The following TUSC3 variants were observed in gnomAD, a reference collection of about 807,000 sequenced individuals.
TUSC3 encodes the protein tumor suppressor candidate 3.
A neutral mutation model predicts 44.8 loss-of-function variants in TUSC3; 45 were observed. That is an observed-to-expected ratio of 1.00 (90% CI 0.79 to 1.29). The LOEUF (loss-of-function observed/expected upper bound fraction) is 1.29, where lower values mean the gene tolerates loss of function less well. Among genes scored for constraint, TUSC3 ranks in the 50% most tolerant of loss-of-function variants. The pLI is 0.00. For missense variants in TUSC3, 519 were observed against 437.9 expected (o/e 1.19, Z -1.65); for synonymous variants, 212 against 152.9 (o/e 1.39, Z -2.85).
intron 1 of TUSC3, among the ~76,000 whole-genome samples, chr8:15,451,118 AAGC>A (rs1800192928): frequency 6.6e-6 from 1 of 152,152 alleles, no homozygotes; most frequent in Admixed American, 6.5e-5. Context: ...CTACAGAGGG[AAGC>A]TAGAGGATCA....
intron 2 of TUSC3, among the ~76,000 whole-genome samples, chr8:15,510,981 A>T (rs951362349): frequency 1.3e-5 from 2 of 152,166 alleles, no homozygotes; most frequent in Admixed American, 1.3e-4. Context: ...CCATTTATTG[A>T]TTTCCATACA....
chr8:15,555,646 G>A (rs962321776), intron 1 of TUSC3, among the ~76,000 whole-genome samples: 3 of 151,482 alleles, frequency 2.0e-5, no homozygotes, highest in African/African-American at 7.3e-5. Context: ...TTACTTCGAA[G>A]GTCTCAAACC....
At chr8:15,628,268 C>G (rs1805602808) in intron 2 of TUSC3, among the ~76,000 whole-genome samples, 1 of 152,008 alleles carries the variant, frequency 6.6e-6, no homozygotes, top group African/African-American at 2.4e-5. Flanking sequence ...TTCACTGTTA[C>G]ATATAATTAT....
intron 1 of TUSC3, among the ~76,000 whole-genome samples, chr8:15,447,029 C>T (rs1203950017): frequency 6.6e-6 from 1 of 150,654 alleles, no homozygotes. Flanking sequence ...AGAGTAACTT[C>T]AATACTGTTT....
At chr8:15,584,600 G>T (rs1196927845) in intron 1 of TUSC3, among the ~76,000 whole-genome samples, 1 of 152,086 alleles carries the variant, frequency 6.6e-6, no homozygotes, top group Non-Finnish European at 1.5e-5. Flanking sequence ...GTAAGAAATG[G>T]TAAAGGCTTC....
the TUSC3 span, among the ~76,000 whole-genome samples, chr8:15,846,044 G>C: frequency 6.6e-6 from 1 of 152,084 alleles, no homozygotes; most frequent in Non-Finnish European, 1.5e-5. Context: ...ATGAGATCTC[G>C]TGAGACTTAT....
At chr8:15,562,079 A>G (rs542610435) in intron 1 of TUSC3, among the ~76,000 whole-genome samples, 1 of 152,286 alleles carries the variant, frequency 6.6e-6, no homozygotes, top group Non-Finnish European at 1.5e-5. Context: ...GGAAATGGAA[A>G]AACAGCAGCA....
At chr8:15,450,795 TTA>T (rs1800188093) in intron 1 of TUSC3, among the ~76,000 whole-genome samples, 1 of 152,116 alleles carries the variant, frequency 6.6e-6, no homozygotes, top group African/African-American at 2.4e-5. Flanking sequence ...AGATGTTGGC[TTA>T]CTGTTTTCAG....
chr8:15,838,789 G>A, the TUSC3 span, among the ~76,000 whole-genome samples: 15 of 152,194 alleles, frequency 9.9e-5, no homozygotes, highest in South Asian at 6.2e-4. Flanking sequence ...ATCAGGTAGC[G>A]TGATGACTCC....
chr8:15,743,752 T>C lies in TUSC3; in HGVS notation c.937+140T>C, dbSNP rs1402154230. On this transcript the variant is annotated intron_variant, in intron 8 of 10. Coordinates refer to ENST00000503731, the MANE Select transcript of TUSC3 (RefSeq NM_006765.4). The stretch of plus-strand genomic sequence containing the variant: ...TTTGAAGAAGATTTTAACTTTTTTC[T>C]ATTGCTGGGATGTGTTCATATACTT... 6.3e-6 allele frequency: 6 copies of C among 953,354 alleles called. No individual in the cohort carries two copies. In the South Asian group the frequency reaches 8.0e-5, roughly 13 times the overall value. The allele number at this position is 953,354 out of a possible 1,614,324, so 59.1% of individuals were successfully genotyped here. A position where few individuals can be genotyped will look rare whatever the true frequency, so the allele number is the denominator to read the frequency against.
chr8:15,531,785 C>T (rs896476788), intron 2 of TUSC3, among the ~76,000 whole-genome samples: 60 of 152,150 alleles, frequency 3.9e-4, no homozygotes, highest in African/African-American at 1.4e-3. Flanking sequence ...TCCATGTTTT[C>T]TCAATTATAC....
At chr8:15,682,234 T>C (rs1042828824) in intron 6 of TUSC3, among the ~76,000 whole-genome samples, 1 of 152,190 alleles carries the variant, frequency 6.6e-6, no homozygotes, top group Non-Finnish European at 1.5e-5. Context: ...CTCAGTTATC[T>C]GTCTAATGCT....
At chr8:15,692,109 T>C (rs940654703) in intron 6 of TUSC3, among the ~76,000 whole-genome samples, 3 of 152,164 alleles carry the variant, frequency 2.0e-5, no homozygotes, top group Non-Finnish European at 4.4e-5. Context: ...AGTTCTGTTA[T>C]GTTGTGCATC....
intron 6 of TUSC3, among the ~76,000 whole-genome samples, chr8:15,691,394 C>T (rs1042285354): frequency 1.3e-5 from 2 of 151,986 alleles, no homozygotes; most frequent in African/African-American, 4.8e-5. Flanking sequence ...TTTAGCAGAT[C>T]AAGAAGCTTT....
At chr8:15,790,369 G>A in the TUSC3 span, among the ~76,000 whole-genome samples, 457 of 151,992 alleles carry the variant, frequency 3.0e-3, 3 homozygotes, top group African/African-American at 9.9e-3. Context: ...ACTTTTAGTA[G>A]AGATAGGGTT....
chr8:15,782,667 C>T, the TUSC3 span, among the ~76,000 whole-genome samples: 1 of 152,064 alleles, frequency 6.6e-6, no homozygotes, highest in East Asian at 1.9e-4. Context: ...GTACTAAAAC[C>T]ATTTGACAGA....
At chr8:15,439,098 A>G (rs1457905691) in intron 1 of TUSC3, among the ~76,000 whole-genome samples, 1 of 152,184 alleles carries the variant, frequency 6.6e-6, no homozygotes, top group Non-Finnish European at 1.5e-5. Context: ...CAACTCGTCC[A>G]TATACATCCA....
intron 1 of TUSC3, among the ~76,000 whole-genome samples, chr8:15,463,729 A>G (rs888185807): frequency 3.9e-5 from 6 of 152,102 alleles, no homozygotes. Context: ...TAAAGGGAAA[A>G]CTCATACAGC....
At chr8:15,651,473 G>A (rs1435203606) in intron 3 of TUSC3, among the ~76,000 whole-genome samples, 1 of 152,190 alleles carries the variant, frequency 6.6e-6, no homozygotes, top group East Asian at 1.9e-4. Flanking sequence ...TGAAGATAGG[G>A]CCTTGAAGGA....
Sources: gnomAD v4.1 joint callset for allele counts (sites outside exome capture counted in the v4.1 genomes callset) on GRCh38, gnomAD v4.1.1 for gene constraint, MANE v1.5 for transcripts, NCBI Gene and HGNC (gene_info 2026-07-23, HGNC 2026-07-21) for gene names.